Variants in ATP2A1 observed in about 807,000 individuals in gnomAD.
The protein encoded by ATP2A1 is sarcoplasmic/endoplasmic reticulum calcium ATPase 1.
Under a neutral mutation model 109.5 loss-of-function variants are expected in ATP2A1, and 83 were observed. That is an observed-to-expected ratio of 0.76 (90% CI 0.63 to 0.91). The LOEUF (loss-of-function observed/expected upper bound fraction) is 0.91. ATP2A1 is among the 40% of genes least tolerant of loss of function. ATP2A1 has a pLI of 0.00. For missense variants in ATP2A1, 1,101 were observed against 1,341.0 expected, an observed-to-expected ratio of 0.82 and a Z score of 2.80; for synonymous variants, 505 against 537.6, an observed-to-expected ratio of 0.94 and a Z score of 0.84.
chr16:28,900,816 G>C lies in ATP2A1; in HGVS notation c.2000G>C (p.Arg667Pro). 1.9e-6 allele frequency: 3 copies of C among 1,614,216 alleles called. No individual in the cohort carries two copies. Among genetic ancestry groups the C allele is most frequent in the Non-Finnish European group, 2.5e-6 (3 of 1,180,050 alleles). ...GACGACCTGCCCCTGGCTGAACAGCGGGAAGCCTGCCGACGTGCCTGCTGC... is the reference window on the plus strand; with the variant it reads ...GACGACCTGCCCCTGGCTGAACAGCCGGAAGCCTGCCGACGTGCCTGCTGC... The part of the protein sequence containing the change: ...EFDDLPLAEQ[R>P]EACRRACCFA... Residue 667 changes from arginine (R) to proline (P), a missense_variant, in exon 15 of 23, where the codon CGG (arginine) becomes CCG (proline). Transcript: ENST00000395503.
At position 28,900,848 on chromosome 16, in the gene ATP2A1, C is replaced by T. The variant is rs1567490865; in HGVS notation, c.2032C>T (p.Arg678Cys). 7.4e-6 allele frequency: 12 copies of T among 1,614,072 alleles called. No homozygotes were observed. Among genetic ancestry groups the T allele is most frequent in the South Asian group, 4.4e-5 (4 of 91,086 alleles). Residue 678 changes from arginine (R) to cysteine (C), a missense_variant, in exon 15 of 23, where the codon CGT (arginine) becomes TGT (cysteine). By Grantham distance (180) the Arg-to-Cys change is radical. Coordinates refer to ENST00000395503, the MANE Select transcript of ATP2A1 (RefSeq NM_004320.6). Reference sequence around the variant, plus strand: ...CTGCCGACGTGCCTGCTGCTTCGCCCGTGTGGAGCCCTCGCACAAGTCCAA... The same window carrying T: ...CTGCCGACGTGCCTGCTGCTTCGCCTGTGTGGAGCCCTCGCACAAGTCCAA... ...EACRRACCFARVEPSHKSKIV... is the reference protein window; with the variant it reads ...EACRRACCFACVEPSHKSKIV...
At chr16:28,901,041 C>A in intron 15 of ATP2A1, 125 bp downstream of exon 15, 1 of 1,298,042 alleles carries the variant, frequency 7.7e-7, no homozygotes, top group Middle Eastern at 1.8e-4. Context: ...GATTCAGACC[C>A]CAAGGAAGAG....
chr16:28,900,822 C>G lies in ATP2A1; in HGVS notation c.2006C>G (p.Ala669Gly). ...DDLPLAEQRE[A>G]CRRACCFARV... The stretch of plus-strand genomic sequence containing the variant: ...CTGCCCCTGGCTGAACAGCGGGAAG[C>G]CTGCCGACGTGCCTGCTGCTTCGCC... The change falls in exon 15 of 23, where the codon GCC (alanine) becomes GGC (glycine). Residue 669 changes from alanine to glycine, a missense_variant. Physicochemically the swap from Ala to Gly is moderately conservative, Grantham distance 60. Coordinates refer to ENST00000395503, the MANE Select transcript of ATP2A1 (RefSeq NM_004320.6). 4 of 1,614,216 alleles carry G rather than the reference C, an allele frequency of 2.5e-6. No individual in the cohort carries two copies. Among genetic ancestry groups the G allele is most frequent in the Non-Finnish European group, 3.4e-6 (4 of 1,180,054 alleles).
rs769076880 is a variant in ATP2A1, at chr16:28,900,770, G to A, written c.1954G>A (p.Ala652Thr). 4 of 1,614,196 alleles carry A rather than the reference G, an allele frequency of 2.5e-6. No individual in the cohort carries two copies. The highest frequency in any genetic ancestry group is 2.5e-6 in the Non-Finnish European group (3 of 1,180,046). The change falls in exon 15 of 23, where the codon GCC (alanine) becomes ACC (threonine). Residue 652 changes from alanine to threonine, a missense_variant. Coordinates refer to ENST00000395503, the MANE Select transcript of ATP2A1 (RefSeq NM_004320.6). ...GGAGAACGAGGAGGTGGCCGATCGC[G>A]CCTACACGGGCCGAGAGTTCGACGA... ...FGENEEVADR[A>T]YTGREFDDLP...
rs541644982 is a variant in ATP2A1 at position 28,902,888 on chromosome 16, C to G, written c.2721C>G (p.Ile907Met). 1.2e-6 allele frequency: 2 copies of G among 1,614,014 alleles called. No individual in the cohort carries two copies. Among genetic ancestry groups the G allele is most frequent in the Non-Finnish European group, 1.7e-6 (2 of 1,179,960 alleles). Residue 907 changes from isoleucine (I) to methionine (M), a missense_variant, in exon 19 of 23, where the codon ATC becomes ATG. By Grantham distance (10) the Ile-to-Met change is conservative. Coordinates refer to ENST00000395503, the MANE Select transcript of ATP2A1 (RefSeq NM_004320.6). This position sits in a 1 kb window ranked among gnomAD's most constrained non-coding sequence, Gnocchi z 4.8. ...MTMALSVLVTIEMCNALNSLS... is the reference protein window; with the variant it reads ...MTMALSVLVTMEMCNALNSLS... ...TGGCCCTGTCCGTGCTGGTGACCATCGAGATGTGCAATGCACTGAACAGGT... is the reference window on the plus strand; with the variant it reads ...TGGCCCTGTCCGTGCTGGTGACCATGGAGATGTGCAATGCACTGAACAGGT...
chr16:28,901,700 T>G (rs948424139), intron 15 of ATP2A1, among the ~76,000 whole-genome samples, 163 bp from the exon 16 acceptor site: 1 of 152,154 alleles, frequency 6.6e-6, no homozygotes, highest in Non-Finnish European at 1.5e-5. Context: ...CACATGCCTG[T>G]AATCCCAACA....
intron 9 of ATP2A1, among the ~76,000 whole-genome samples, chr16:28,890,001 G>A (rs1208081165): frequency 6.6e-6 from 1 of 152,160 alleles, no homozygotes; most frequent in African/African-American, 2.4e-5. Context: ...AATTAGCCGG[G>A]CATGGTGGTG....
At chr16:28,884,793 T>A (rs1963574754) in intron 6 of ATP2A1, 138 bp downstream of exon 6, 5 of 810,656 alleles carry the variant, frequency 6.2e-6, no homozygotes, top group Non-Finnish European at 9.5e-6. Flanking sequence ...AAAAAAATTT[T>A]AAAAACTAGC....
intron 9 of ATP2A1, chr16:28,892,449 C>A: frequency 4.2e-6 from 1 of 236,632 alleles, no homozygotes. Flanking sequence ...AGGCTGTAAC[C>A]TTGGCTCCTG....
rs1384914866 is a variant in ATP2A1, at chr16:28,879,179, C to T, written c.136+63C>T. On this transcript the variant is annotated intron_variant, in intron 2 of 22. Coordinates refer to ENST00000395503, the MANE Select transcript of ATP2A1 (RefSeq NM_004320.6). ...ACCCCCCACCCCGCCCTGTCCCACTCCCTCCTCCCTGCCTCTTTAGATTCT... is the reference window on the plus strand; with the variant it reads ...ACCCCCCACCCCGCCCTGTCCCACTTCCTCCTCCCTGCCTCTTTAGATTCT... 5.1e-6 allele frequency: 8 copies of T among 1,556,524 alleles called. No homozygotes were observed. The Admixed American group carries it at 1.3e-4, about 26-fold the overall frequency.
In ATP2A1 at chr16:28,885,413, C is replaced by T. The variant is rs569937764; in HGVS notation, c.544+758C>T. ...AGGCTGGAATGCAGTGGCGCGATTT[C>T]AGCTCACTGCAACCTCTGCCTCCTG... is the stretch of plus-strand genomic sequence containing the variant. On this transcript the variant is annotated intron_variant, in intron 6 of 22. Coordinates refer to ENST00000395503, the MANE Select transcript of ATP2A1 (RefSeq NM_004320.6). Among the ~76,000 whole-genome samples, 14 of 151,942 alleles carry T rather than the reference C, an allele frequency of 9.2e-5. No individual in the cohort carries two copies. The South Asian group carries it at 2.9e-3, about 32-fold the overall frequency.
rs1187431449 is a variant in ATP2A1, at chr16:28,901,958, G to A, written c.2196G>A (p.Glu732=). Residue 732 remains glutamate (E), a synonymous_variant, in exon 16 of 23, where the codon GAG becomes GAA. Transcript: ENST00000395503. ...SGTAVAKTAS[E]MVLADDNFST... ...CTGCCGTGGCCAAGACTGCCTCTGA[G>A]ATGGTGCTGGCTGACGACAACTTCT... 1 of 1,614,130 alleles carries A rather than the reference G, an allele frequency of 6.2e-7. No homozygotes were observed. The highest frequency in any genetic ancestry group is 1.1e-5 in the South Asian group (1 of 91,086).
At position 28,903,404 on chromosome 16, in the gene ATP2A1, GA is replaced by G; in HGVS notation, c.2947del (p.Ile983SerfsTer10). On this transcript the variant is annotated frameshift_variant, in exon 21 of 23. Transcript: ENST00000395503. LOFTEE classifies it high-confidence loss of function. This position sits in a 1 kb window ranked among gnomAD's most constrained non-coding sequence, Gnocchi z 5.6. ...CTCACTGCCAGTCATTGGGCTCGAC[GA>G]AATCCTCAAGTTCGTTGCTCGGAAC... ...KISLPVIGLD[E>X]ILKFVARNYL... 6.2e-7 allele frequency: 1 copy of G among 1,613,970 alleles called. No homozygotes were observed. The highest frequency in any genetic ancestry group is 8.5e-7 in the Non-Finnish European group (1 of 1,179,954).
chr16:28,895,636 G>A (rs1596679277), intron 12 of ATP2A1, among the ~76,000 whole-genome samples: 1 of 151,428 alleles, frequency 6.6e-6, no homozygotes, highest in East Asian at 1.9e-4. Context: ...GACCGGCCTG[G>A]GCAACATAGT....
chr16:28,903,664 C>T lies in ATP2A1; in HGVS notation c.2981-36C>T, dbSNP rs1017159713. 1.9e-6 allele frequency: 3 copies of T among 1,598,472 alleles called. No homozygotes were observed. In the African/African-American group the frequency reaches 4.0e-5, roughly 21 times the overall value. ...TATAGCCCCCATGCCACCTCCCTGC[C>T]TTGATAACAGTGCCTCTTGTCCTCT... On this transcript the variant is annotated intron_variant, in intron 21 of 22. Transcript: ENST00000395503. The surrounding 1 kb of genome is among the most constrained non-coding windows in gnomAD (Gnocchi z 5.6).
chr16:28,903,228 G>A lies in ATP2A1; in HGVS notation c.2862+81G>A, dbSNP rs550626299. 1.7e-5 allele frequency: 27 copies of A among 1,576,028 alleles called. No individual in the cohort carries two copies. The African/African-American group carries it at 2.0e-4, about 12-fold the overall frequency. The stretch of plus-strand genomic sequence containing the variant: ...GCCCATGACCACTCCCACCAGGGGC[G>A]CCGATGTGGGAGGCTGGTGGGAGTG... On this transcript the variant is annotated intron_variant, in intron 20 of 22. Transcript: ENST00000395503. The surrounding 1 kb of genome is among the most constrained non-coding windows in gnomAD (Gnocchi z 5.6).
At chr16:28,889,655 G>A (rs1414705362) in intron 9 of ATP2A1, among the ~76,000 whole-genome samples, 1 of 152,108 alleles carries the variant, frequency 6.6e-6, no homozygotes, top group Non-Finnish European at 1.5e-5. Flanking sequence ...CTTCAAACCC[G>A]AGTCTGTGTG....
chr16:28,894,945 T>G lies in ATP2A1; in HGVS notation c.1411T>G (p.Cys471Gly), dbSNP rs746779770. The stretch of plus-strand genomic sequence containing the variant: ...CTCGAAGGTGGAGAGAGCCAACGCC[T>G]GCAACTCGGTGAGCCTGCGGAGCCC... ...SLSKVERANA[C>G]NSVIRQLMKK... The change falls in exon 12 of 23, where the codon TGC (cysteine) becomes GGC (glycine). Residue 471 changes from cysteine (C) to glycine (G), a missense_variant. By Grantham distance (159) the Cys-to-Gly change is radical. Coordinates refer to ENST00000395503, the MANE Select transcript of ATP2A1 (RefSeq NM_004320.6). 45 of 1,611,434 alleles carry G rather than the reference T, an allele frequency of 2.8e-5. No homozygotes were observed. In the East Asian group the frequency reaches 1.0e-3, roughly 36 times the overall value.
At chr16:28,900,973 T>C in intron 15 of ATP2A1, 57 bp downstream of exon 15, 1 of 1,605,726 alleles carries the variant, frequency 6.2e-7, no homozygotes, top group Non-Finnish European at 8.5e-7. Flanking sequence ...CAGATGACTG[T>C]GCTGGGGAGA....
Sources: allele counts gnomAD v4.1 joint callset (sites outside exome capture counted in the v4.1 genomes callset), GRCh38; gene constraint gnomAD v4.1.1; non-coding constraint Gnocchi (gnomAD v3.1); transcripts MANE v1.5; gene names NCBI Gene and HGNC (gene_info 2026-07-23, HGNC 2026-07-21).